Variants in EDA observed in about 807,000 individuals in gnomAD.
EDA encodes ectodysplasin A.
Under a neutral mutation model 23.6 loss-of-function variants are expected in EDA, and 2 were observed. The ratio of observed to expected loss-of-function variants is 0.08; its 90% CI spans 0.03 to 0.27. The LOEUF (loss-of-function observed/expected upper bound fraction) is 0.27, where lower values mean the gene tolerates loss of function less well. EDA is among the 10% of genes least tolerant of loss of function. EDA has a pLI of 1.00. For synonymous variants in EDA, 131 were observed against 132.0 expected (o/e 0.99, Z 0.05); for missense variants, 229 against 324.2 (o/e 0.71, Z 2.26).
At chrX:69,784,319 T>C (rs11094126) in intron 1 of EDA, among the ~76,000 whole-genome samples, 1 of 101,900 alleles carries the variant, frequency 9.8e-6, no homozygotes, top group Non-Finnish European at 2.0e-5. Flanking sequence ...GTCAATTTTG[T>C]CTTTTGTTGC....
chrX:69,730,621 T>C (rs1311819591), intron 1 of EDA, among the ~76,000 whole-genome samples: 1 of 112,211 alleles, frequency 8.9e-6, no homozygotes, highest in Non-Finnish European at 1.9e-5. Context: ...ACTTTCACAA[T>C]GAAACTTGTT....
intron 1 of EDA, among the ~76,000 whole-genome samples, chrX:69,926,116 A>G (rs1199335725): frequency 9.1e-6 from 1 of 109,845 alleles, no homozygotes; most frequent in African/African-American, 3.3e-5. Flanking sequence ...TCCTGGATTC[A>G]TTGATTTTTT....
At chrX:69,780,925 C>A (rs2147445276) in intron 1 of EDA, among the ~76,000 whole-genome samples, 1 of 111,519 alleles carries the variant, frequency 9.0e-6, no homozygotes, top group South Asian at 3.8e-4. Context: ...ATACACCTGG[C>A]AACCACTATT....
intron 1 of EDA, among the ~76,000 whole-genome samples, chrX:69,663,958 A>G (rs1156252794): frequency 2.7e-5 from 3 of 112,256 alleles, no homozygotes; most frequent in African/African-American, 9.7e-5. Context: ...ATTTGGAATG[A>G]GTATATTTAC....
At chrX:69,823,175 A>G (rs1386803983) in intron 1 of EDA, among the ~76,000 whole-genome samples, 1 of 74,758 alleles carries the variant, frequency 1.3e-5, no homozygotes, top group African/African-American at 6.7e-5. Context: ...ATGTGTCTTT[A>G]TAGCAGCATG....
intron 1 of EDA, among the ~76,000 whole-genome samples, chrX:69,856,843 C>T (rs2017266683): frequency 1.8e-5 from 2 of 111,108 alleles, no homozygotes; most frequent in Non-Finnish European, 3.8e-5. Context: ...GCTAACTGTT[C>T]CTCTTGCCAT....
At chrX:69,842,018 C>T (rs903885105) in intron 1 of EDA, among the ~76,000 whole-genome samples, 37 of 112,189 alleles carry the variant, frequency 3.3e-4, no homozygotes, top group Non-Finnish European at 5.8e-4. Flanking sequence ...GGGTCCCCCC[C>T]GTCGGACCAT....
intron 1 of EDA, among the ~76,000 whole-genome samples, chrX:69,804,400 CAG>C (rs747492931): frequency 1.0e-4 from 11 of 108,672 alleles, no homozygotes; most frequent in Non-Finnish European, 1.7e-4. Context: ...CAGTTGGAAA[CAG>C]AGATATTCAG....
At chrX:69,826,395 C>T (rs1429726149) in intron 1 of EDA, among the ~76,000 whole-genome samples, 1 of 109,297 alleles carries the variant, frequency 9.1e-6, no homozygotes, top group East Asian at 2.9e-4. Context: ...GTATTGGGTG[C>T]ATATATATTT....
At chrX:69,736,508 T>C (rs751816957) in intron 1 of EDA, among the ~76,000 whole-genome samples, 1 of 109,337 alleles carries the variant, frequency 9.1e-6, no homozygotes, top group Non-Finnish European at 1.9e-5. Flanking sequence ...TCTGTATTTT[T>C]AGTAGAGACG....
intron 1 of EDA, among the ~76,000 whole-genome samples, chrX:69,925,090 T>C (rs1484423181): frequency 8.9e-6 from 1 of 111,879 alleles, no homozygotes; most frequent in Non-Finnish European, 1.9e-5. Flanking sequence ...AATCATGTTG[T>C]CTGCAAACAG....
chrX:70,023,388 T>C (rs2020063849), intron 3 of EDA, 147 bp downstream of exon 3: 1 of 363,561 alleles, frequency 2.8e-6, no homozygotes, highest in South Asian at 7.4e-5. Context: ...TTCTTGAGTA[T>C]TGTAGTTTCT....
chrX:69,785,995 T>G (rs138212637), intron 1 of EDA, among the ~76,000 whole-genome samples: 1 of 110,568 alleles, frequency 9.0e-6, no homozygotes, highest in Non-Finnish European at 1.9e-5. Context: ...TATTCAGAGA[T>G]TCAACCTCTT....
chrX:69,709,019 G>C (rs1236652692), intron 1 of EDA, among the ~76,000 whole-genome samples: 1 of 111,887 alleles, frequency 8.9e-6, no homozygotes, highest in East Asian at 2.8e-4. Flanking sequence ...TGGTGTGTTT[G>C]AGGAATGGCA....
chrX:69,775,496 A>G (rs2147436184), intron 1 of EDA, among the ~76,000 whole-genome samples: 1 of 111,792 alleles, frequency 8.9e-6, no homozygotes, highest in East Asian at 2.8e-4. Flanking sequence ...TTTATTGAAG[A>G]ATCCCAGTAT....
chrX:69,995,842 C>T (rs1460193131), intron 2 of EDA, among the ~76,000 whole-genome samples: 1 of 111,978 alleles, frequency 8.9e-6, no homozygotes, highest in African/African-American at 3.3e-5. Context: ...ACCACTAGAC[C>T]AGAAGGAATG....
intron 1 of EDA, among the ~76,000 whole-genome samples, chrX:69,664,649 G>A (rs1933617522): frequency 1.0e-5 from 1 of 96,662 alleles, no homozygotes; most frequent in Non-Finnish European, 2.0e-5. Context: ...TTTCTTTTTA[G>A]GCCAAATAAT....
At chrX:69,654,273 C>T (rs1933215906) in intron 1 of EDA, among the ~76,000 whole-genome samples, 2 of 111,326 alleles carry the variant, frequency 1.8e-5, no homozygotes, top group African/African-American at 3.3e-5. Flanking sequence ...GTTAGAGTGG[C>T]GATCATTAAA....
At chrX:69,636,295 A>T (rs948116473) in intron 1 of EDA, among the ~76,000 whole-genome samples, 3 of 108,938 alleles carry the variant, frequency 2.8e-5, no homozygotes, top group Non-Finnish European at 5.7e-5. Context: ...GCCTACTCCC[A>T]CTCCACCTTC....
Sources: gnomAD v4.1 joint callset for allele counts (sites outside exome capture counted in the v4.1 genomes callset) on GRCh38, gnomAD v4.1.1 for gene constraint, MANE v1.5 for transcripts, NCBI Gene and HGNC (gene_info 2026-07-23, HGNC 2026-07-21) for gene names.